The following NRXN1 variants were observed in gnomAD, a reference collection of about 807,000 sequenced individuals.
NRXN1 encodes the protein neurexin-1.
Under a neutral mutation model 150.9 loss-of-function variants are expected in NRXN1, and 39 were observed. The observed-to-expected ratio is 0.26, with a 90% CI of 0.20 to 0.34. The LOEUF (loss-of-function observed/expected upper bound fraction) is 0.34, where lower values mean the gene tolerates loss of function less well. NRXN1 is among the 10% of genes least tolerant of loss of function. The pLI, the probability that NRXN1 is intolerant of heterozygous loss-of-function variation, is 1.00. For synonymous variants in NRXN1, 924 were observed against 757.0 expected (o/e 1.22, Z -3.62); for missense variants, 1,815 against 1,949.9 (o/e 0.93, Z 1.30).
chr2:50,306,286 C>T (rs183011953), intron 17 of NRXN1, among the ~76,000 whole-genome samples: 1 of 152,120 alleles, frequency 6.6e-6, no homozygotes. Context: ...TGGTCTTTTA[C>T]TAATAAAATA....
intron 17 of NRXN1, among the ~76,000 whole-genome samples, chr2:50,373,686 AGAAG>A (rs1394620999): frequency 7.0e-5 from 8 of 114,912 alleles, no homozygotes; most frequent in East Asian, 6.5e-4. Flanking sequence ...AAGAAAAGAA[AGAAG>A]GAAAGAAAGA....
chr2:51,028,104 T>C lies in NRXN1; in HGVS notation c.170A>G (p.Gln57Arg). 1 of 1,580,066 alleles carries C rather than the reference T, an allele frequency of 6.3e-7. No individual in the cohort carries two copies. The highest frequency in any genetic ancestry group is 1.7e-5 in the Admixed American group (1 of 58,026). Residue 57 changes from glutamine (Q) to arginine (R), a missense_variant, in exon 2 of 23, where the codon CAG (glutamine) becomes CGG (arginine). Physicochemically the swap from Gln to Arg is conservative, Grantham distance 43 (BLOSUM62 1). Transcript: ENST00000401669. ...NACCESEMSF[Q>R]LKTRSARGLV... The stretch of plus-strand genomic sequence containing the variant: ...GCCGCGGGCGCTGCGAGTCTTGAGC[T>C]GGAAGCTCATCTCGCTCTCGCAGCA...
chr2:50,967,882 T>C (rs1205874657), intron 2 of NRXN1, among the ~76,000 whole-genome samples: 1 of 151,960 alleles, frequency 6.6e-6, no homozygotes, highest in South Asian at 2.1e-4. Context: ...GCTAAAATTA[T>C]GAATGAAAAT....
intron 8 of NRXN1, among the ~76,000 whole-genome samples, chr2:50,614,094 G>A (rs1056504118): frequency 1.3e-5 from 2 of 152,092 alleles, no homozygotes; most frequent in Non-Finnish European, 2.9e-5. Flanking sequence ...ATATGGGAAG[G>A]TCAATGTAAG....
chr2:50,865,645 T>A lies in NRXN1; in HGVS notation c.832+56224A>T, dbSNP rs996354253. ...GCACCTGGCACACAGTAATTCCCAG[T>A]AAGCATTTGAAAGTTTTTTTTTTTT... On this transcript the variant is annotated intron_variant, in intron 5 of 22. Transcript: ENST00000401669. 2.2e-5 allele frequency among the ~76,000 whole-genome samples: 3 copies of A among 138,546 alleles called. 1 individual carries two copies. The highest frequency in any genetic ancestry group is 8.0e-5 in the African/African-American group (3 of 37,476). The allele number at this position is 138,546 out of a possible 152,430, so 90.9% of individuals were successfully genotyped here. A position where few individuals can be genotyped will look rare whatever the true frequency, so the allele number is the denominator to read the frequency against.
chr2:50,920,066 A>G, intron 5 of NRXN1: 1 of 339,376 alleles, frequency 2.9e-6, no homozygotes, highest in Admixed American at 3.1e-5. Context: ...ATTAAACAAT[A>G]TGAAATGGGT....
At chr2:50,441,520 C>A (rs2085953659) in intron 17 of NRXN1, among the ~76,000 whole-genome samples, 1 of 152,056 alleles carries the variant, frequency 6.6e-6, no homozygotes. Flanking sequence ...GGCATTTGTT[C>A]TTTCCAGCAG....
At chr2:50,723,993 A>T (rs142337975) in intron 5 of NRXN1, among the ~76,000 whole-genome samples, 1 of 152,126 alleles carries the variant, frequency 6.6e-6, no homozygotes, top group Non-Finnish European at 1.5e-5. Context: ...TTTTCTCTCT[A>T]ATTTGTTTGG....
chr2:50,497,675 T>C lies in NRXN1; in HGVS notation c.2537A>G (p.Asn846Ser). ...TTCTGTGATGATGCCAGTCTCTATGTTATGGAACTCCAGCCTAGTATGATC... is the reference window on the plus strand; with the variant it reads ...TTCTGTGATGATGCCAGTCTCTATGCTATGGAACTCCAGCCTAGTATGATC... ...AGDHTRLEFH[N>S]IETGIITERR... is the part of the protein sequence containing the mutation. Residue 846 changes from asparagine to serine, a missense_variant, in exon 14 of 23, where the codon AAC becomes AGC. Asn to Ser is a conservative substitution (Grantham distance 46, BLOSUM62 1). This residue lies in a region of NRXN1 where 638 missense variants were observed against 652.6 expected (regional missense o/e 0.98). Coordinates refer to ENST00000401669, the MANE Select transcript of NRXN1 (RefSeq NM_001330078.2). 1 of 1,613,744 alleles carries C rather than the reference T, an allele frequency of 6.2e-7. No homozygotes were observed. Among genetic ancestry groups the C allele is most frequent in the Non-Finnish European group, 8.5e-7 (1 of 1,179,672 alleles).
intron 5 of NRXN1, among the ~76,000 whole-genome samples, chr2:50,810,212 G>A (rs1668025053): frequency 1.3e-5 from 2 of 152,084 alleles, no homozygotes; most frequent in East Asian, 1.9e-4. Flanking sequence ...TCTTTAATAT[G>A]GTAAAGGTGT....
At chr2:50,126,321 C>T (rs910756712) in intron 18 of NRXN1, among the ~76,000 whole-genome samples, 3 of 151,920 alleles carry the variant, frequency 2.0e-5, no homozygotes, top group Admixed American at 6.6e-5. Flanking sequence ...TAATATTTAA[C>T]TATTGCTCCA....
intron 17 of NRXN1, among the ~76,000 whole-genome samples, chr2:50,260,477 T>G (rs1451054995): frequency 6.6e-6 from 1 of 151,774 alleles, no homozygotes; most frequent in African/African-American, 2.4e-5. Context: ...CTCAACACAT[T>G]TGGACCCTGT....
At chr2:50,598,991 C>T (rs910204580) in intron 8 of NRXN1, among the ~76,000 whole-genome samples, 2 of 151,920 alleles carry the variant, frequency 1.3e-5, no homozygotes, top group Admixed American at 1.3e-4. Context: ...AGGCTGCTCT[C>T]GAACTCCTGA....
In NRXN1 at chr2:50,045,490, G is replaced by A. The variant is rs144789146; in HGVS notation, c.4128+7781C>T. ...CTCCCAAGTAGCTGGGACTACAGGC[G>A]CGTGCCACCATGCCCGGCTAATTTT... On this transcript the variant is annotated intron_variant, in intron 21 of 22. Transcript: ENST00000401669. Among the ~76,000 whole-genome samples the A allele has an allele frequency of 9.4e-3, 1,433 of 152,124 alleles. 23 individuals are homozygous for A. Among genetic ancestry groups the A allele is most frequent in the African/African-American group, 0.033 (1,355 of 41,502 alleles).
intron 2 of NRXN1, among the ~76,000 whole-genome samples, chr2:50,945,782 C>T (rs992295953): frequency 6.6e-6 from 1 of 150,844 alleles, no homozygotes; most frequent in Non-Finnish European, 1.5e-5. Flanking sequence ...TCCCTCCTCA[C>T]ATAAAATTTA....
intron 15 of NRXN1, among the ~76,000 whole-genome samples, chr2:50,487,180 A>G (rs1185373266): frequency 1.3e-5 from 2 of 152,174 alleles, no homozygotes; most frequent in East Asian, 3.9e-4. Context: ...GTAAAGGTAG[A>G]TGAGGATGAT....
chr2:50,729,472 G>A (rs1697806657), intron 5 of NRXN1, among the ~76,000 whole-genome samples: 1 of 152,188 alleles, frequency 6.6e-6, no homozygotes. Context: ...AACCCAGGAA[G>A]CCTAACTTCA....
intron 5 of NRXN1, among the ~76,000 whole-genome samples, chr2:50,802,508 AG>A (rs962775811): frequency 5.2e-5 from 3 of 57,282 alleles, no homozygotes; most frequent in African/African-American, 2.1e-4. Context: ...AATGGAAGGA[AG>A]GAAGGAAGGA....
intron 2 of NRXN1, among the ~76,000 whole-genome samples, chr2:51,016,903 A>C (rs1269599156): frequency 6.6e-6 from 1 of 152,176 alleles, no homozygotes; most frequent in African/African-American, 2.4e-5. Context: ...GCACATATAT[A>C]CCATGGAATA....
Sources: gnomAD v4.1 joint callset for allele counts (sites outside exome capture counted in the v4.1 genomes callset) on GRCh38, gnomAD v4.1.1 for gene constraint, gnomAD v4.1.1 regional missense constraint, MANE v1.5 for transcripts, NCBI Gene and HGNC (gene_info 2026-07-23, HGNC 2026-07-21) for gene names.